Variants in JAK2 observed in about 807,000 individuals in gnomAD.
JAK2 encodes the protein Janus kinase 2, also known as tyrosine-protein kinase JAK2.
JAK2 carries 86 observed loss-of-function variants against 139.3 expected under a neutral mutation model. That is an observed-to-expected ratio of 0.62 (90% CI 0.52 to 0.74). The LOEUF is 0.74. JAK2 is among the 30% of genes least tolerant of loss of function. The pLI is 0.00. For synonymous variants in JAK2, 490 were observed against 437.7 expected, an observed-to-expected ratio of 1.12 and a Z score of -1.49; for missense variants, 1,421 against 1,360.3, an observed-to-expected ratio of 1.04 and a Z score of -0.70.
At chr9:4,987,586 A>C (rs1408648656) in intron 2 of JAK2, among the ~76,000 whole-genome samples, 1 of 151,230 alleles carries the variant, frequency 6.6e-6, no homozygotes, top group Non-Finnish European at 1.5e-5. Flanking sequence ...AAATACAAAA[A>C]TTAGCCGGGC....
At chr9:5,098,062 A>AATT (rs1274726147) in intron 22 of JAK2, 3 of 152,214 alleles carry the variant, frequency 2.0e-5, no homozygotes, top group African/African-American at 7.2e-5. Context: ...TTATGCTAAC[A>AATT]ATTTTTATAA....
At chr9:5,019,196 A>G (rs1489211580) in intron 2 of JAK2, among the ~76,000 whole-genome samples, 1 of 152,116 alleles carries the variant, frequency 6.6e-6, no homozygotes, top group Admixed American at 6.5e-5. Context: ...AAATTCTAAT[A>G]TTAGTTTGCT....
At chr9:5,083,968 A>G (rs991151025) in intron 19 of JAK2, among the ~76,000 whole-genome samples, 5 of 147,338 alleles carry the variant, frequency 3.4e-5, no homozygotes, top group African/African-American at 1.2e-4. Context: ...CCCATTATTA[A>G]TATTCTTTTG....
chr9:5,071,512 T>TCATTGA (rs1254211476), intron 12 of JAK2, among the ~76,000 whole-genome samples: 1 of 152,182 alleles, frequency 6.6e-6, no homozygotes, highest in Non-Finnish European at 1.5e-5. Context: ...ATAAATATCC[T>TCATTGA]CATTGACATT....
At chr9:5,090,353 A>T in intron 20 of JAK2, 93 bp from the exon 21 acceptor site, 1 of 915,550 alleles carries the variant, frequency 1.1e-6, no homozygotes, top group East Asian at 3.0e-5. Flanking sequence ...TAGATTTCAT[A>T]TATGTTTAAG....
intron 23 of JAK2, among the ~76,000 whole-genome samples, chr9:5,123,931 T>C (rs914706842): frequency 2.0e-5 from 3 of 151,730 alleles, no homozygotes; most frequent in Admixed American, 6.6e-5. Context: ...GCATATCTCA[T>C]TGTGATTTTA....
At chr9:5,085,899 C>G (rs1302475340) in intron 19 of JAK2, 12 of 886,688 alleles carry the variant, frequency 1.4e-5, no homozygotes, top group African/African-American at 1.6e-5. Flanking sequence ...CGGTTCCTTT[C>G]TAATACCCTC....
At chr9:5,012,314 C>T (rs11998868) in intron 2 of JAK2, among the ~76,000 whole-genome samples, 1 of 152,064 alleles carries the variant, frequency 6.6e-6, no homozygotes, top group Non-Finnish European at 1.5e-5. Context: ...TCATATCCCC[C>T]CGATTTGTAT....
intron 2 of JAK2, among the ~76,000 whole-genome samples, chr9:5,020,618 ACTCAGGGTGCATGCAAATTTG>A (rs1264496874): frequency 6.6e-6 from 1 of 152,062 alleles, no homozygotes; most frequent in African/African-American, 2.4e-5. Flanking sequence ...ATGAAGCTGT[ACTCAGGGTGCATGCAAATTTG>A]CATTTTGACA....
At chr9:5,064,624 G>C (rs1818441026) in intron 8 of JAK2, among the ~76,000 whole-genome samples, 1 of 152,046 alleles carries the variant, frequency 6.6e-6, no homozygotes, top group African/African-American at 2.4e-5. Flanking sequence ...TGGTATATTA[G>C]TCTAAGAAGG....
rs922123026 is a variant in JAK2, at chr9:5,126,393, G to A, written c.3238G>A (p.Glu1080Lys). ...ACAGATGATCGTGTTCCATTTGATA[G>A]AACTTTTGAAGAATAATGGAAGATT... Reference protein sequence around the residue: ...QGQMIVFHLIELLKNNGRLPR... With the variant: ...QGQMIVFHLIKLLKNNGRLPR... Residue 1080 changes from glutamate (E) to lysine (K), a missense_variant, in exon 24 of 25, where the codon GAA becomes AAA. Coordinates refer to ENST00000381652, the MANE Select transcript of JAK2 (RefSeq NM_004972.4). 3.1e-6 allele frequency: 5 copies of A among 1,611,078 alleles called. No individual in the cohort carries two copies. Among genetic ancestry groups the A allele is most frequent in the Non-Finnish European group, 4.2e-6 (5 of 1,178,106 alleles).
At chr9:5,022,915 T>C (rs1822525300) in intron 3 of JAK2, among the ~76,000 whole-genome samples, 1 of 152,248 alleles carries the variant, frequency 6.6e-6, no homozygotes, top group Admixed American at 6.5e-5. Context: ...AAATGTCTAA[T>C]ATAGTATTTA....
chr9:5,115,270 C>G (rs1018652719), intron 22 of JAK2, among the ~76,000 whole-genome samples: 2 of 152,218 alleles, frequency 1.3e-5, no homozygotes, highest in Admixed American at 6.5e-5. Context: ...AGACACTTCT[C>G]AAAAGAAGAC....
intron 3 of JAK2, among the ~76,000 whole-genome samples, chr9:5,024,448 T>C (rs977197842): frequency 1.9e-4 from 29 of 152,190 alleles, no homozygotes; most frequent in African/African-American, 7.0e-4. Context: ...GTTTACCCAG[T>C]CCATTTACAA....
chr9:5,036,073 C>G (rs909250284), intron 4 of JAK2, among the ~76,000 whole-genome samples: 19 of 152,324 alleles, frequency 1.2e-4, no homozygotes, highest in Non-Finnish European at 2.5e-4. Context: ...CACAAGCGTT[C>G]TTACCCACCA....
intron 8 of JAK2, among the ~76,000 whole-genome samples, chr9:5,061,566 T>C (rs1011513833): frequency 3.3e-5 from 5 of 152,224 alleles, no homozygotes; most frequent in East Asian, 1.9e-4. Flanking sequence ...TCAGCCTTCA[T>C]AGAATTTAAG....
rs541860702 is a variant in JAK2, at chr9:5,065,484, C to T, written c.1214+444C>T. The stretch of plus-strand genomic sequence containing the variant: ...CTAGACTAGTGCTATGTAGAACTTC[C>T]TGCAGCGATGAAAATATTCTATATC... On this transcript the variant is annotated intron_variant, in intron 9 of 24. Transcript: ENST00000381652. 5.9e-5 allele frequency among the ~76,000 whole-genome samples: 9 copies of T among 152,258 alleles called. No homozygotes were observed. In the South Asian group the frequency reaches 1.7e-3, roughly 28 times the overall value.
intron 22 of JAK2, chr9:5,099,284 C>T (rs991080525): frequency 6.6e-6 from 1 of 152,140 alleles, no homozygotes; most frequent in Non-Finnish European, 1.5e-5. Flanking sequence ...TGTCCTAGAA[C>T]TAATCCTCTT....
intron 3 of JAK2, among the ~76,000 whole-genome samples, chr9:5,026,566 T>C (rs371522560): frequency 7.7e-4 from 117 of 152,324 alleles, no homozygotes; most frequent in African/African-American, 2.6e-3. Flanking sequence ...GTGAGCCTTA[T>C]GTTTTAAATA....
Sources: gnomAD v4.1 joint callset for allele counts (sites outside exome capture counted in the v4.1 genomes callset) on GRCh38, gnomAD v4.1.1 for gene constraint, MANE v1.5 for transcripts, NCBI Gene and HGNC (gene_info 2026-07-23, HGNC 2026-07-21) for gene names.